The following PCDHA1 variants were observed in gnomAD, a reference collection of about 807,000 sequenced individuals.
The protein encoded by PCDHA1 is protocadherin alpha 1, also known as protocadherin alpha-1.
A neutral mutation model predicts 61.3 loss-of-function variants in PCDHA1; 42 were observed. The observed-to-expected ratio is 0.69, with a 90% CI of 0.54 to 0.89. PCDHA1 has a LOEUF of 0.89. Ranked by LOEUF, PCDHA1 falls within the 40% of genes least tolerant of loss-of-function variation. The pLI is 0.00. For missense variants in PCDHA1, 1,256 were observed against 1,235.3 expected (o/e 1.02, Z -0.25); for synonymous variants, 610 against 553.8 (o/e 1.10, Z -1.43).
At chr5:140,809,293 TG>T in intron 1 of PCDHA1, 1 of 1,614,098 alleles carries the variant, frequency 6.2e-7, no homozygotes, top group Non-Finnish European at 8.5e-7. Context: ...ACCTGATCAT[TG>T]CCATCTGCGC....
At chr5:140,813,489 C>A (rs1213235742) in intron 1 of PCDHA1, 4 of 152,110 alleles carry the variant, frequency 2.6e-5, no homozygotes, top group African/African-American at 9.7e-5. Flanking sequence ...ATCTAAACAT[C>A]TAAAAGGTAC....
intron 1 of PCDHA1, chr5:140,795,066 C>G (rs782150347): frequency 6.2e-7 from 1 of 1,613,948 alleles, no homozygotes; most frequent in Admixed American, 1.7e-5. Context: ...TCCGCTACTC[C>G]GTCCCCGAGG....
In PCDHA1 at chr5:140,829,584, G is replaced by A. The variant is rs1198811288; in HGVS notation, c.2394+40900G>A. ...GTGTCCTACTCGCTGGTGGAGCGGC[G>A]GGTGGGCGAGCGCGCGTTGTCGAGC... On this transcript the variant is annotated intron_variant, in intron 1 of 3. Coordinates refer to ENST00000504120, the MANE Select transcript of PCDHA1 (RefSeq NM_018900.4). 5 of 1,612,124 alleles carry A rather than the reference G, an allele frequency of 3.1e-6. No individual in the cohort carries two copies. In the African/African-American group the frequency reaches 5.3e-5, roughly 17 times the overall value.
rs782571798 is a variant in PCDHA1, at chr5:140,786,581, G to C, written c.291G>C (p.Gln97His). The change falls in exon 1 of 4, where the codon CAG (glutamine) becomes CAC (histidine). Residue 97 changes from glutamine (Q) to histidine (H), a missense_variant. Gln to His is a conservative substitution (Grantham distance 24). Coordinates refer to ENST00000504120, the MANE Select transcript of PCDHA1 (RefSeq NM_018900.4). ...NSRIDREELCQWSAECSIHLE... is the reference protein window; with the variant it reads ...NSRIDREELCHWSAECSIHLE... ...GGATCGATCGCGAGGAGCTGTGCCA[G>C]TGGAGCGCGGAGTGCAGCATCCACC... The C allele has an allele frequency of 3.1e-6, 5 of 1,614,274 alleles. No homozygotes were observed. The South Asian group carries it at 5.5e-5, about 18-fold the overall frequency.
At chr5:140,933,458 C>G (rs1040429377) in intron 1 of PCDHA1, among the ~76,000 whole-genome samples, 2 of 151,968 alleles carry the variant, frequency 1.3e-5, no homozygotes, top group Non-Finnish European at 2.9e-5. Flanking sequence ...TCAAAATATA[C>G]TCTGAATTCA....
intron 1 of PCDHA1, among the ~76,000 whole-genome samples, chr5:140,806,044 G>T (rs1241673767): frequency 6.6e-6 from 1 of 152,094 alleles, no homozygotes; most frequent in Non-Finnish European, 1.5e-5. Flanking sequence ...TGTAATAAAT[G>T]GCCCACGCGA....
At chr5:140,852,885 A>AT (rs2150523673) in intron 1 of PCDHA1, 18,210 of 741,434 alleles carry the variant, frequency 0.025, 18 homozygotes, top group Non-Finnish European at 0.027. Context: ...CATAAAACGT[A>AT]TTTTTTTTTT....
chr5:140,900,180 T>G (rs1223345758), intron 1 of PCDHA1, among the ~76,000 whole-genome samples: 3 of 152,228 alleles, frequency 2.0e-5, no homozygotes, highest in Non-Finnish European at 4.4e-5. Context: ...CTGGTTTATG[T>G]CACTTATAAT....
intron 1 of PCDHA1, among the ~76,000 whole-genome samples, chr5:140,839,285 T>C (rs2150296208): frequency 2.0e-5 from 3 of 152,170 alleles, no homozygotes; most frequent in East Asian, 3.9e-4. Flanking sequence ...CTTCCTAGCA[T>C]ATTATTAAAG....
intron 1 of PCDHA1, among the ~76,000 whole-genome samples, chr5:140,941,602 A>G (rs1364169026): frequency 1.3e-5 from 2 of 151,994 alleles, no homozygotes; most frequent in African/African-American, 4.8e-5. Flanking sequence ...GCCATGAGCC[A>G]TGGTGCCCAG....
At chr5:140,987,451 T>G (rs1481665271) in intron 3 of PCDHA1, among the ~76,000 whole-genome samples, 2 of 152,108 alleles carry the variant, frequency 1.3e-5, no homozygotes, top group African/African-American at 4.8e-5. Flanking sequence ...GCCCGAGAGA[T>G]AATTGTTAAG....
intron 1 of PCDHA1, among the ~76,000 whole-genome samples, chr5:140,933,147 A>G (rs1584764690): frequency 6.6e-6 from 1 of 151,986 alleles, no homozygotes. Context: ...ATAGCCACTC[A>G]TTTTGTTCCC....
At chr5:140,856,372 C>T in intron 1 of PCDHA1, 3 of 1,598,462 alleles carry the variant, frequency 1.9e-6, no homozygotes, top group Non-Finnish European at 2.6e-6. Context: ...TGGAGGTGAT[C>T]GTGGACAGGC....
intron 1 of PCDHA1, among the ~76,000 whole-genome samples, chr5:140,977,702 A>C (rs1420121979): frequency 1.3e-5 from 2 of 152,190 alleles, no homozygotes; most frequent in African/African-American, 4.8e-5. Context: ...AATCTGTCTG[A>C]ATATTGAGAT....
intron 1 of PCDHA1, chr5:140,875,638 C>G (rs2055668574): frequency 6.2e-7 from 1 of 1,613,532 alleles, no homozygotes; most frequent in Non-Finnish European, 8.5e-7. Context: ...GGGGCTGGAG[C>G]TGGCGGAGCT....
intron 1 of PCDHA1, among the ~76,000 whole-genome samples, chr5:140,978,596 C>T (rs2096811689): frequency 6.6e-6 from 1 of 152,204 alleles, no homozygotes; most frequent in African/African-American, 2.4e-5. Context: ...CTTAATGGGG[C>T]ACTTGAGGGC....
chr5:140,803,382 G>T (rs547051375), intron 1 of PCDHA1: 1 of 1,614,202 alleles, frequency 6.2e-7, no homozygotes, highest in Non-Finnish European at 8.5e-7. Context: ...GCCGCCAACC[G>T]AAGGCGACTG....
At chr5:140,850,138 A>T in intron 1 of PCDHA1, 1 of 1,595,694 alleles carries the variant, frequency 6.3e-7, no homozygotes, top group Non-Finnish European at 8.6e-7. Context: ...CTGGGCAGCA[A>T]CGTGACGCTG....
intron 1 of PCDHA1, chr5:140,882,118 T>G: frequency 1.4e-6 from 2 of 1,431,994 alleles, no homozygotes; most frequent in Non-Finnish European, 9.4e-7. Context: ...AAGCCGCCGT[T>G]TCTTTCTTCC....
Sources: allele counts gnomAD v4.1 joint callset (sites outside exome capture counted in the v4.1 genomes callset), GRCh38; gene constraint gnomAD v4.1.1; transcripts MANE v1.5; gene names NCBI Gene and HGNC (gene_info 2026-07-23, HGNC 2026-07-21).